The following COL21A1 variants were observed in gnomAD, a reference collection of about 807,000 sequenced individuals.
COL21A1 encodes the protein collagen type XXI alpha 1 chain, also known as collagen alpha-1(XXI) chain.
A neutral mutation model predicts 137.9 loss-of-function variants in COL21A1; 149 were observed. That is an observed-to-expected ratio of 1.08 (90% CI 0.95 to 1.24). The LOEUF (loss-of-function observed/expected upper bound fraction) is 1.24, where lower values mean the gene tolerates loss of function less well. Ranked by LOEUF, COL21A1 falls within the 50% of genes most tolerant of loss-of-function variation. COL21A1 has a pLI of 0.00. For missense variants in COL21A1, 1,167 were observed against 1,158.4 expected (o/e 1.01, Z -0.11); for synonymous variants, 456 against 391.5 (o/e 1.16, Z -1.95).
At chr6:56,304,413 T>C (rs528392231) in intron 1 of COL21A1, among the ~76,000 whole-genome samples, 1,967 of 152,268 alleles carry the variant, frequency 0.013, 19 homozygotes, top group Non-Finnish European at 0.021. Context: ...TTTCAGAGCC[T>C]GTTATTGGTC....
At chr6:56,190,414 A>C (rs950173149) in intron 1 of COL21A1, among the ~76,000 whole-genome samples, 1 of 152,222 alleles carries the variant, frequency 6.6e-6, no homozygotes, top group Non-Finnish European at 1.5e-5. Context: ...CCCCGAATAG[A>C]GCAATAACAA....
At chr6:56,370,057 G>A (rs768390540) in intron 1 of COL21A1, among the ~76,000 whole-genome samples, 8 of 152,128 alleles carry the variant, frequency 5.3e-5, no homozygotes, top group Non-Finnish European at 1.0e-4. Flanking sequence ...CCATATAGGC[G>A]TTATCTCTAG....
intron 1 of COL21A1, among the ~76,000 whole-genome samples, chr6:56,202,714 A>T (rs1779492157): frequency 6.6e-6 from 1 of 152,180 alleles, no homozygotes; most frequent in Non-Finnish European, 1.5e-5. Context: ...TGGGTTGTAC[A>T]CTATATTACA....
rs969943722 is a variant in COL21A1, at chr6:56,373,022, A to C, written c.-39+20949T>G. Among the ~76,000 whole-genome samples, 19 of 152,318 alleles carry C rather than the reference A, an allele frequency of 1.2e-4. No homozygotes were observed. The East Asian group carries it at 3.7e-3, about 29-fold the overall frequency. On this transcript the variant is annotated intron_variant, in intron 1 of 28. Coordinates refer to the COL21A1 transcript ENST00000370819. ...GGAGCTAGAAAGCAAAATAAAAAAA[A>C]AAAAGAAACTTTGAGGTCTTGTCCC...
chr6:56,339,507 T>A (rs574102331), intron 1 of COL21A1, among the ~76,000 whole-genome samples: 1 of 152,336 alleles, frequency 6.6e-6, no homozygotes, highest in South Asian at 2.1e-4. Context: ...GAGTTTTGAA[T>A]TACTGATCTA....
At chr6:56,108,302 TA>T (rs1340498749) in intron 16 of COL21A1, among the ~76,000 whole-genome samples, 4 of 151,768 alleles carry the variant, frequency 2.6e-5, no homozygotes, top group African/African-American at 9.7e-5. Flanking sequence ...TCTATTAAAA[TA>T]AAAAAATTCA....
At chr6:56,241,633 A>AC (rs141135345) in intron 1 of COL21A1, among the ~76,000 whole-genome samples, 70,271 of 151,974 alleles carry the variant, frequency 0.46, 17,767 homozygotes, top group African/African-American at 0.65. Flanking sequence ...GATTCTCAGG[A>AC]CCTGGGTATT....
chr6:56,285,333 A>G (rs1453324974), intron 1 of COL21A1, among the ~76,000 whole-genome samples: 1 of 152,190 alleles, frequency 6.6e-6, no homozygotes, highest in African/African-American at 2.4e-5. Flanking sequence ...TTAAAGAGCA[A>G]TCAGTTAGCA....
intron 1 of COL21A1, among the ~76,000 whole-genome samples, chr6:56,270,331 C>T (rs1281493368): frequency 6.6e-6 from 1 of 152,188 alleles, no homozygotes; most frequent in Non-Finnish European, 1.5e-5. Context: ...AAGAGCATTA[C>T]ATGACACAAA....
intron 16 of COL21A1, among the ~76,000 whole-genome samples, chr6:56,104,427 T>C (rs1171301278): frequency 1.3e-5 from 2 of 152,186 alleles, no homozygotes; most frequent in Non-Finnish European, 2.9e-5. Flanking sequence ...ATTTTAATAA[T>C]GTTTCATCAA....
chr6:56,301,810 G>C (rs567232880), intron 1 of COL21A1, among the ~76,000 whole-genome samples: 4 of 151,872 alleles, frequency 2.6e-5, no homozygotes, highest in Non-Finnish European at 5.9e-5. Context: ...GCTGCACCCA[G>C]TAACTCGTCA....
chr6:56,362,622 C>T (rs893379076), intron 1 of COL21A1, among the ~76,000 whole-genome samples: 11 of 152,082 alleles, frequency 7.2e-5, no homozygotes, highest in African/African-American at 2.7e-4. Context: ...AGATATGCTC[C>T]TCCCCCAGTC....
intron 1 of COL21A1, among the ~76,000 whole-genome samples, chr6:56,297,688 T>A (rs1002809182): frequency 1.3e-5 from 2 of 152,108 alleles, no homozygotes; most frequent in Admixed American, 1.3e-4. Context: ...AAAACAAGCA[T>A]GTTTTACAAT....
Position 56,292,887 on chromosome 6 carries a change from C to T in COL21A1, c.-39+101084G>A, listed in dbSNP as rs184497883. Among the ~76,000 whole-genome samples, 12 of 152,178 alleles carry T rather than the reference C, an allele frequency of 7.9e-5. No individual in the cohort carries two copies. The East Asian group carries it at 2.1e-3, about 27-fold the overall frequency. On this transcript the variant is annotated intron_variant, in intron 1 of 28. Transcript: ENST00000370819. ...TAATTATTCCTGAAAGTTGTCAATCCTTTTAACAATTGTATTAAAACATCA... is the reference window on the plus strand; with the variant it reads ...TAATTATTCCTGAAAGTTGTCAATCTTTTTAACAATTGTATTAAAACATCA...
At chr6:56,340,015 G>C (rs1222743412) in intron 1 of COL21A1, among the ~76,000 whole-genome samples, 1 of 151,882 alleles carries the variant, frequency 6.6e-6, no homozygotes, top group Non-Finnish European at 1.5e-5. Context: ...GTCAGGATTG[G>C]AGAGGCTCAA....
intron 3 of COL21A1, among the ~76,000 whole-genome samples, 157 bp downstream of exon 3, chr6:56,179,421 T>C (rs999995729): frequency 1.3e-5 from 2 of 152,170 alleles, no homozygotes; most frequent in Non-Finnish European, 2.9e-5. Flanking sequence ...ATGCTCACAG[T>C]ATAAATATAA....
chr6:56,247,935 CAAG>C (rs1160544939), upstream of COL21A1, among the ~76,000 whole-genome samples: 1 of 152,174 alleles, frequency 6.6e-6, no homozygotes, highest in Non-Finnish European at 1.5e-5. Context: ...CTCCCTTGCC[CAAG>C]AAGAACCCCC....
At chr6:56,167,592 C>T (rs970925383) in intron 6 of COL21A1, among the ~76,000 whole-genome samples, 25 of 152,148 alleles carry the variant, frequency 1.6e-4, no homozygotes, top group African/African-American at 5.8e-4. Flanking sequence ...ATGGCATTTA[C>T]AGACACATTT....
intron 1 of COL21A1, among the ~76,000 whole-genome samples, chr6:56,349,340 C>A (rs1402489197): frequency 9.5e-6 from 1 of 105,376 alleles, no homozygotes; most frequent in African/African-American, 3.0e-5. Context: ...AAAGACCCGC[C>A]CCCCTGAAAA....
Sources: allele counts gnomAD v4.1 joint callset (sites outside exome capture counted in the v4.1 genomes callset), GRCh38; gene constraint gnomAD v4.1.1; transcripts MANE v1.5; gene names NCBI Gene and HGNC (gene_info 2026-07-23, HGNC 2026-07-21).